Variants in MSRA observed in about 807,000 individuals in gnomAD.
The protein encoded by MSRA is methionine sulfoxide reductase A.
MSRA carries 54 observed loss-of-function variants against 31.3 expected under a neutral mutation model. The ratio of observed to expected loss-of-function variants is 1.73; its 90% CI spans 1.39 to 2.17. The LOEUF (loss-of-function observed/expected upper bound fraction) is 2.17. MSRA is among the 30% of genes most tolerant of loss of function. The pLI is 0.00. For missense variants in MSRA, 507 were observed against 300.9 expected (o/e 1.69, Z -5.07); for synonymous variants, 169 against 116.5 (o/e 1.45, Z -2.90).
chr8:10,247,434 C>T (rs1468252493), intron 3 of MSRA, among the ~76,000 whole-genome samples: 1 of 152,194 alleles, frequency 6.6e-6, no homozygotes, highest in African/African-American at 2.4e-5. Context: ...CACAAATTCT[C>T]TTTCATATAT....
intron 1 of MSRA, among the ~76,000 whole-genome samples, chr8:10,065,442 C>T (rs111764506): frequency 2.3e-4 from 35 of 152,214 alleles, no homozygotes; most frequent in South Asian, 1.7e-3. Context: ...TTTCAATGTG[C>T]GGAATAAAAG....
At chr8:10,373,272 T>C (rs190267147) in intron 5 of MSRA, among the ~76,000 whole-genome samples, 1 of 152,330 alleles carries the variant, frequency 6.6e-6, no homozygotes, top group African/African-American at 2.4e-5. Context: ...CTGACATTTT[T>C]CCAAATAGTC....
At chr8:10,302,382 G>A (rs779193374) in intron 4 of MSRA, among the ~76,000 whole-genome samples, 6 of 152,244 alleles carry the variant, frequency 3.9e-5, no homozygotes, top group African/African-American at 7.2e-5. Context: ...GAACTGAAAA[G>A]TCCTATGCAA....
intron 5 of MSRA, among the ~76,000 whole-genome samples, chr8:10,406,313 A>G (rs921597550): frequency 1.3e-5 from 2 of 152,228 alleles, no homozygotes; most frequent in African/African-American, 4.8e-5. Flanking sequence ...TGTGTTCTTC[A>G]TCTGGAAAAT....
chr8:10,366,726 C>T (rs957929826), intron 5 of MSRA, among the ~76,000 whole-genome samples: 12 of 152,184 alleles, frequency 7.9e-5, no homozygotes, highest in East Asian at 3.9e-4. Context: ...CTAGACTCCT[C>T]GTGGTCGGCG....
At chr8:10,119,293 TCCGA>T (rs1267758296) in intron 1 of MSRA, among the ~76,000 whole-genome samples, 1 of 152,240 alleles carries the variant, frequency 6.6e-6, no homozygotes, top group African/African-American at 2.4e-5. Flanking sequence ...TGGGTCTTTG[TCCGA>T]CAGAAGACTT....
At chr8:10,089,367 C>T (rs1042388268) in intron 1 of MSRA, among the ~76,000 whole-genome samples, 3 of 152,180 alleles carry the variant, frequency 2.0e-5, no homozygotes, top group African/African-American at 4.8e-5. Context: ...TCATTTTCAC[C>T]TCCTCTTTGA....
intron 1 of MSRA, among the ~76,000 whole-genome samples, chr8:10,121,237 G>A (rs367546879): frequency 6.6e-6 from 1 of 152,092 alleles, no homozygotes; most frequent in Non-Finnish European, 1.5e-5. Context: ...AAATGATGGG[G>A]GTGGGAGCCT....
Position 10,123,616 on chromosome 8 carries a change from AG to A in MSRA, c.142+68960del, listed in dbSNP as rs1801286637. Among the ~76,000 whole-genome samples the A allele has an allele frequency of 2.0e-5, 3 of 152,184 alleles. No individual in the cohort carries two copies. In the East Asian group the frequency reaches 5.8e-4, roughly 30 times the overall value. On this transcript the variant is annotated intron_variant, in intron 1 of 5. Transcript: ENST00000317173. Reference sequence around the variant, plus strand: ...CCCATTCCTATGTTCAGGGCAGTATAGGTTGTCTTCCAGAGTTTTTATAGTT... The same window carrying A: ...CCCATTCCTATGTTCAGGGCAGTATAGTTGTCTTCCAGAGTTTTTATAGTT...
chr8:10,260,525 G>C (rs932052205), intron 3 of MSRA, among the ~76,000 whole-genome samples: 1 of 152,186 alleles, frequency 6.6e-6, no homozygotes, highest in Non-Finnish European at 1.5e-5. Context: ...GTAGCCTGGA[G>C]TTAGGGCAAC....
At chr8:10,337,419 T>A in intron 5 of MSRA, 1 of 322,680 alleles carries the variant, frequency 3.1e-6, no homozygotes, top group South Asian at 4.1e-5. Flanking sequence ...GACCTCGTGA[T>A]CCACCAGCCT....
rs1554468813 is a variant in MSRA at position 10,155,002 on chromosome 8, T to TATATATATATATATATATA, written c.143-52831_143-52830insATATATATATATATATATA. On this transcript the variant is annotated intron_variant, in intron 1 of 5. Transcript: ENST00000317173. ...AATAGTTTGATAATGTGTATATATTTTATATATATATAGGTTTTACCTTGC... is the reference window on the plus strand; with the variant it reads ...AATAGTTTGATAATGTGTATATATTTATATATATATATATATATATATATATATATAGGTTTTACCTTGC... Among the ~76,000 whole-genome samples the TATATATATATATATATATA allele has an allele frequency of 1.5e-3, 180 of 123,960 alleles. 14 individuals carry two copies. Among genetic ancestry groups the TATATATATATATATATATA allele is most frequent in the South Asian group, 9.5e-3 (33 of 3,488 alleles). 81.3% of individuals were successfully genotyped at this position (123,960 alleles called of 152,430 possible).
intron 1 of MSRA, among the ~76,000 whole-genome samples, chr8:10,204,837 C>A (rs939411572): frequency 6.6e-6 from 1 of 152,214 alleles, no homozygotes; most frequent in Non-Finnish European, 1.5e-5. Context: ...CGTTCTGTGT[C>A]CATACGCTGA....
chr8:10,369,713 A>C (rs1046904698), intron 5 of MSRA, among the ~76,000 whole-genome samples: 2 of 152,222 alleles, frequency 1.3e-5, no homozygotes, highest in African/African-American at 4.8e-5. Flanking sequence ...ATTAATAGTC[A>C]TTCTATTTGT....
At chr8:10,330,206 TACACACAC>T (rs58184031) in intron 5 of MSRA, among the ~76,000 whole-genome samples, 1 of 148,146 alleles carries the variant, frequency 6.8e-6, no homozygotes, top group Non-Finnish European at 1.5e-5. Context: ...AAATGTGATA[TACACACAC>T]ACACACACAC....
intron 2 of MSRA, among the ~76,000 whole-genome samples, chr8:10,229,706 GA>G (rs1000613504): frequency 4.0e-5 from 6 of 151,406 alleles, no homozygotes; most frequent in African/African-American, 9.7e-5. Flanking sequence ...TTATAGATGA[GA>G]AAAAAAAGGG....
chr8:10,401,049 T>A (rs949444437), intron 5 of MSRA, among the ~76,000 whole-genome samples: 2 of 151,850 alleles, frequency 1.3e-5, no homozygotes, highest in Non-Finnish European at 2.9e-5. Context: ...AAAAAAGAAA[T>A]TGGATTTCAT....
intron 1 of MSRA, among the ~76,000 whole-genome samples, chr8:10,146,767 T>A (rs924452999): frequency 1.3e-5 from 2 of 152,080 alleles, no homozygotes; most frequent in African/African-American, 4.8e-5. Context: ...GTGGCGCTGG[T>A]CTGAGCCTCC....
intron 1 of MSRA, among the ~76,000 whole-genome samples, chr8:10,091,306 CAT>C (rs1446289990): frequency 1.3e-5 from 2 of 152,286 alleles, no homozygotes; most frequent in East Asian, 3.9e-4. Flanking sequence ...TGGTGTATAA[CAT>C]ATTTGCAAAT....
Sources: allele counts gnomAD v4.1 joint callset (sites outside exome capture counted in the v4.1 genomes callset), GRCh38; gene constraint gnomAD v4.1.1; transcripts MANE v1.5; gene names NCBI Gene and HGNC (gene_info 2026-07-23, HGNC 2026-07-21).